The following NAP1L4 variants were observed in gnomAD, a reference collection of about 807,000 sequenced individuals.
The protein encoded by NAP1L4 is nucleosome assembly protein 1 like 4, also known as nucleosome assembly protein 1-like 4.
Under a neutral mutation model 58.2 loss-of-function variants are expected in NAP1L4, and 15 were observed. That is an observed-to-expected ratio of 0.26 (90% CI 0.17 to 0.40). NAP1L4 has a LOEUF of 0.40. Among genes scored for constraint, NAP1L4 ranks in the 10% least tolerant of loss-of-function variants. The pLI, the probability that NAP1L4 is intolerant of heterozygous loss-of-function variation, is 1.00. For missense variants in NAP1L4, 384 were observed against 451.1 expected, an observed-to-expected ratio of 0.85 and a Z score of 1.35; for synonymous variants, 171 against 155.6, an observed-to-expected ratio of 1.10 and a Z score of -0.74.
rs1270904964 is a variant in NAP1L4, at chr11:2,955,671, A to C, written c.915+73T>G. 2.7e-6 allele frequency: 4 copies of C among 1,470,140 alleles called. No homozygotes were observed. The highest frequency in any genetic ancestry group is 3.8e-6 in the Non-Finnish European group (4 of 1,063,582). The allele number at this position is 1,470,140 out of a possible 1,614,324, so 91.1% of individuals were successfully genotyped here. ...CACAGCCAGGACTGGACTTTTTTTA[A>C]CAAGTAGACAAGTAGACATTCACTC... On this transcript the variant is annotated intron_variant, in intron 11 of 15. Transcript: ENST00000380542. This position sits in a 1 kb window ranked among gnomAD's most constrained non-coding sequence, Gnocchi z 4.2.
intron 15 of NAP1L4, 38 bp from the exon 16 acceptor site, chr11:2,945,684 C>G: frequency 6.6e-7 from 1 of 1,512,988 alleles, no homozygotes; most frequent in Non-Finnish European, 8.9e-7. Context: ...GAGAGCAAAG[C>G]CAGCTCCATT....
intron 3 of NAP1L4, among the ~76,000 whole-genome samples, chr11:2,977,686 T>C (rs1228217321): frequency 1.3e-5 from 2 of 151,998 alleles, no homozygotes; most frequent in East Asian, 1.9e-4. Context: ...GGTAATGACA[T>C]TGTAGAATTG....
intron 1 of NAP1L4, among the ~76,000 whole-genome samples, chr11:2,982,351 A>G (rs1214110880): frequency 6.6e-6 from 1 of 152,210 alleles, no homozygotes; most frequent in Non-Finnish European, 1.5e-5. Context: ...TACCCCACAC[A>G]TACACACTAA....
chr11:2,988,391 T>C (rs1848772682), intron 1 of NAP1L4, among the ~76,000 whole-genome samples: 3 of 152,238 alleles, frequency 2.0e-5, no homozygotes, highest in African/African-American at 7.2e-5. Context: ...TGCACTGTTT[T>C]TCAAAAGCAC....
At chr11:2,950,056 T>C (rs1846141812) in intron 14 of NAP1L4, among the ~76,000 whole-genome samples, 2 of 152,360 alleles carry the variant, frequency 1.3e-5, no homozygotes, top group South Asian at 4.1e-4. Context: ...ATGGGCAGCA[T>C]TTATTCACCC....
In NAP1L4 at chr11:2,945,334, A is replaced by C. The variant is rs1245114705; in HGVS notation, c.*345T>G. On this transcript the variant is annotated 3_prime_UTR_variant, in exon 16 of 16. Coordinates refer to ENST00000380542, the MANE Select transcript of NAP1L4 (RefSeq NM_005969.4). ...GATGTGGTCTACAGGGCCCTCCCAC[A>C]GGGAAAGGCCCAGGGAAGTCCAGAG... The C allele has an allele frequency of 2.5e-6, 1 of 395,832 alleles. No individual in the cohort carries two copies. The highest frequency in any genetic ancestry group is 4.5e-6 in the Non-Finnish European group (1 of 220,584). 24.5% of individuals were successfully genotyped at this position (395,832 alleles called of 1,614,324 possible).
rs543689632 is a variant in NAP1L4 at position 2,992,283 on chromosome 11, C to G, written c.-47G>C. ...CGCCTCCTGCGGCAGTGGCGGCGAC[C>G]CTAGCTTCGCTCGCTTTGGGGCTGC... is the stretch of plus-strand genomic sequence containing the variant. On this transcript the variant is annotated 5_prime_UTR_variant, in exon 1 of 16. Coordinates refer to ENST00000380542, the MANE Select transcript of NAP1L4 (RefSeq NM_005969.4). 5.9e-5 allele frequency: 9 copies of G among 152,410 alleles called. 1 individual carries two copies. Among genetic ancestry groups the G allele is most frequent in the Admixed American group, 5.2e-4 (8 of 15,288 alleles). 9.4% of individuals were successfully genotyped at this position (152,410 alleles called of 1,614,324 possible). A position where few individuals can be genotyped will look rare whatever the true frequency, so the allele number is the denominator to read the frequency against.
Position 2,948,524 on chromosome 11 carries a change from C to G in NAP1L4, c.*32+703G>C, listed in dbSNP as rs1331202049. On this transcript the variant is annotated intron_variant, in intron 15 of 15. Coordinates refer to ENST00000380542, the MANE Select transcript of NAP1L4 (RefSeq NM_005969.4). This position sits in a 1 kb window ranked among gnomAD's most constrained non-coding sequence, Gnocchi z 5.1. ...CCTCTGTCTACTTACGGCCTCCTGT[C>G]AGCATTCCAGGACAGGGCAGAGCTA... 1.3e-5 allele frequency among the ~76,000 whole-genome samples: 2 copies of G among 152,166 alleles called. No homozygotes were observed. The highest frequency in any genetic ancestry group is 2.4e-5 in the African/African-American group (1 of 41,428).
At chr11:2,985,687 G>T (rs1014486808) in intron 1 of NAP1L4, among the ~76,000 whole-genome samples, 1 of 152,126 alleles carries the variant, frequency 6.6e-6, no homozygotes, top group African/African-American at 2.4e-5. Flanking sequence ...ATAATTTTGT[G>T]TTAATAAATA....
intron 10 of NAP1L4, 197 bp downstream of exon 10, chr11:2,958,202 C>T: frequency 2.9e-6 from 2 of 699,738 alleles, no homozygotes; most frequent in Non-Finnish European, 2.6e-6. Context: ...CCTACTCTTA[C>T]TGTCCTAGCT....
chr11:2,976,174 T>C (rs767572425), intron 3 of NAP1L4, 51 bp from the exon 4 acceptor site: 12 of 1,404,582 alleles, frequency 8.5e-6, no homozygotes, highest in Admixed American at 2.0e-5. Flanking sequence ...CCACACACAA[T>C]AGCCAAGAGT....
rs1186235992 is a variant in NAP1L4, at chr11:2,964,663, G to T, written c.606+17C>A. ...GACCCTGTCTGATGCCAACCAGAAGGTCAAGTCAGTACTCACCATAGGCTG... is the reference window on the plus strand; with the variant it reads ...GACCCTGTCTGATGCCAACCAGAAGTTCAAGTCAGTACTCACCATAGGCTG... On this transcript the variant is annotated intron_variant, in intron 8 of 15. Transcript: ENST00000380542. 1 of 1,607,370 alleles carries T rather than the reference G, an allele frequency of 6.2e-7. No homozygotes were observed. The highest frequency in any genetic ancestry group is 1.3e-5 in the African/African-American group (1 of 74,630).
At chr11:2,967,383 C>T (rs1186351414) in intron 7 of NAP1L4, among the ~76,000 whole-genome samples, 1 of 152,130 alleles carries the variant, frequency 6.6e-6, no homozygotes. Context: ...GAGGCCAAGG[C>T]AGGCGGATGA....
intron 1 of NAP1L4, among the ~76,000 whole-genome samples, chr11:2,987,911 C>T (rs1848740727): frequency 6.6e-6 from 1 of 152,138 alleles, no homozygotes; most frequent in South Asian, 2.1e-4. Context: ...GAAATCTTTG[C>T]TTAACTCACT....
At chr11:2,975,188 C>T (rs1847877289) in intron 4 of NAP1L4, among the ~76,000 whole-genome samples, 1 of 150,714 alleles carries the variant, frequency 6.6e-6, no homozygotes, top group Non-Finnish European at 1.5e-5. Flanking sequence ...CATGGTGGTG[C>T]ATGCCTATAG....
intron 4 of NAP1L4, among the ~76,000 whole-genome samples, chr11:2,975,788 C>CACAGG (rs988702174): frequency 6.6e-6 from 1 of 152,060 alleles, no homozygotes; most frequent in African/African-American, 2.4e-5. Context: ...CACAGGATGG[C>CACAGG]ACTGTGCACT....
intron 4 of NAP1L4, among the ~76,000 whole-genome samples, chr11:2,972,600 G>A (rs1453716679): frequency 6.6e-6 from 1 of 152,192 alleles, no homozygotes; most frequent in Non-Finnish European, 1.5e-5. Flanking sequence ...GGGCCAAGAA[G>A]CCCTCTAACT....
At position 2,969,784 on chromosome 11, in the gene NAP1L4, A is replaced by G. The variant is rs1017096722; in HGVS notation, c.534+19T>C. 2 of 1,600,204 alleles carry G rather than the reference A, an allele frequency of 1.2e-6. No individual in the cohort carries two copies. The highest frequency in any genetic ancestry group is 1.7e-5 in the Admixed American group (1 of 57,572). The stretch of plus-strand genomic sequence containing the variant: ...GAAGACTAGCACATAATCTCTCTAC[A>G]AGACAGAAGTGTGCTTACCTGGACT... On this transcript the variant is annotated intron_variant, in intron 7 of 15. Transcript: ENST00000380542.
chr11:2,984,702 A>G (rs1848524396), intron 1 of NAP1L4, among the ~76,000 whole-genome samples: 1 of 152,238 alleles, frequency 6.6e-6, no homozygotes, highest in South Asian at 2.1e-4. Context: ...GCTCTTCTGC[A>G]TAACCTTCCT....
Sources: gnomAD v4.1 joint callset for allele counts (sites outside exome capture counted in the v4.1 genomes callset) on GRCh38, gnomAD v4.1.1 for gene constraint, Gnocchi (gnomAD v3.1) non-coding constraint, MANE v1.5 for transcripts, NCBI Gene and HGNC (gene_info 2026-07-23, HGNC 2026-07-21) for gene names.